The following SMIM10L3 variants were observed in gnomAD, a reference collection of about 807,000 sequenced individuals.
SMIM10L3 encodes the protein salivary gland specific protein SAGSIN1.
At chr7:6,341,637 C>G in the SMIM10L3 span, among the ~76,000 whole-genome samples, 2 of 149,712 alleles carry the variant, frequency 1.3e-5, no homozygotes, top group South Asian at 4.2e-4. Context: ...TTGCAGTGAG[C>G]TGAGATCGCG....
chr7:6,330,783 A>G, the SMIM10L3 span: 1 of 1,614,086 alleles, frequency 6.2e-7, no homozygotes, highest in Non-Finnish European at 8.5e-7. Flanking sequence ...GCCGCCCCAG[A>G]GCTTCAACAC....
chr7:6,334,627 C>T, the SMIM10L3 span, among the ~76,000 whole-genome samples: 3 of 151,414 alleles, frequency 2.0e-5, no homozygotes, highest in African/African-American at 7.3e-5. Flanking sequence ...CCGCCACGCC[C>T]GGCTAATTTT....
chr7:6,334,092 C>T, the SMIM10L3 span, among the ~76,000 whole-genome samples: 1 of 151,264 alleles, frequency 6.6e-6, no homozygotes, highest in South Asian at 2.1e-4. Context: ...GTGATCCGCC[C>T]ACCTTGGCCT....
the SMIM10L3 span, among the ~76,000 whole-genome samples, chr7:6,335,778 T>A: frequency 6.6e-6 from 1 of 152,104 alleles, no homozygotes; most frequent in Non-Finnish European, 1.5e-5. Context: ...CTCAGCCCTG[T>A]CATCCCAACA....
At chr7:6,347,069 G>A in the SMIM10L3 span, among the ~76,000 whole-genome samples, 3 of 152,278 alleles carry the variant, frequency 2.0e-5, no homozygotes, top group Middle Eastern at 3.4e-3. Flanking sequence ...GGTTCTGACT[G>A]TAATCCTAGT....
At chr7:6,335,831 G>A in the SMIM10L3 span, among the ~76,000 whole-genome samples, 7 of 151,504 alleles carry the variant, frequency 4.6e-5, no homozygotes, top group South Asian at 2.1e-4. Context: ...GCCCAGGGGT[G>A]TGAGACCAGC....
chr7:6,330,661 C>T, the SMIM10L3 span: 8 of 1,614,128 alleles, frequency 5.0e-6, no homozygotes, highest in Admixed American at 1.0e-4. Flanking sequence ...CTGAAAACTT[C>T]CCATTTCCGG....
At chr7:6,348,960 C>T in the SMIM10L3 span, 1 of 377,020 alleles carries the variant, frequency 2.7e-6, no homozygotes, top group East Asian at 3.9e-5. Context: ...AGCCTGGCCG[C>T]GCAGCCTGAC....
the SMIM10L3 span, among the ~76,000 whole-genome samples, chr7:6,342,629 C>A: frequency 1.3e-5 from 2 of 152,096 alleles, no homozygotes; most frequent in South Asian, 2.1e-4. Flanking sequence ...GAAATAAAAA[C>A]CGATGTCCAC....
the SMIM10L3 span, among the ~76,000 whole-genome samples, chr7:6,333,633 G>A: frequency 6.6e-6 from 1 of 151,630 alleles, no homozygotes; most frequent in Non-Finnish European, 1.5e-5. Flanking sequence ...TGTGTCACTG[G>A]GATTACAGGC....
At chr7:6,330,503 G>C in the SMIM10L3 span, 1 of 1,614,126 alleles carries the variant, frequency 6.2e-7, no homozygotes, top group Non-Finnish European at 8.5e-7. Flanking sequence ...GAAAACATGG[G>C]CTTTAAACGG....
At chr7:6,337,905 G>A in the SMIM10L3 span, among the ~76,000 whole-genome samples, 10 of 151,696 alleles carry the variant, frequency 6.6e-5, no homozygotes, top group South Asian at 1.0e-3. Flanking sequence ...CCAGGTTCAA[G>A]CAATTCTCCT....
At chr7:6,335,899 G>A in the SMIM10L3 span, among the ~76,000 whole-genome samples, 1 of 151,940 alleles carries the variant, frequency 6.6e-6, no homozygotes, top group Admixed American at 6.6e-5. Context: ...GTGGCCGGGA[G>A]CAGTGGCTCA....
the SMIM10L3 span, chr7:6,331,119 C>G: frequency 6.2e-7 from 1 of 1,613,220 alleles, no homozygotes; most frequent in Non-Finnish European, 8.5e-7. Context: ...GCACTTGTGC[C>G]AGGCAGGTGC....
chr7:6,331,123 C>A, the SMIM10L3 span: 3 of 1,613,204 alleles, frequency 1.9e-6, no homozygotes, highest in South Asian at 2.2e-5. Context: ...TTGTGCCAGG[C>A]AGGTGCCGAG....
the SMIM10L3 span, among the ~76,000 whole-genome samples, chr7:6,334,153 T>C: frequency 6.6e-6 from 1 of 150,860 alleles, no homozygotes; most frequent in African/African-American, 2.4e-5. Context: ...GCCGAACTCC[T>C]GGTCTCTTAA....
the SMIM10L3 span, among the ~76,000 whole-genome samples, chr7:6,348,213 G>A: frequency 1.7e-4 from 23 of 133,446 alleles, no homozygotes; most frequent in South Asian, 3.1e-3. Context: ...GCCGAGACCC[G>A]TCTTTACAAT....
the SMIM10L3 span, chr7:6,348,898 G>A: frequency 5.2e-6 from 2 of 387,478 alleles, no homozygotes; most frequent in Non-Finnish European, 4.6e-6. Flanking sequence ...CAGTGGAGCG[G>A]AGTCCGCACG....
the SMIM10L3 span, among the ~76,000 whole-genome samples, chr7:6,340,127 C>T: frequency 3.9e-5 from 6 of 152,054 alleles, no homozygotes; most frequent in Non-Finnish European, 5.9e-5. Flanking sequence ...TCAGGTGATC[C>T]GCCCGCCTCG....
Sources: allele counts gnomAD v4.1 joint callset (sites outside exome capture counted in the v4.1 genomes callset), GRCh38; gene constraint gnomAD v4.1.1; transcripts MANE v1.5; gene names NCBI Gene and HGNC (gene_info 2026-07-23, HGNC 2026-07-21).